The following RSRC2 variants were observed in gnomAD, a reference collection of about 807,000 sequenced individuals.
The protein encoded by RSRC2 is arginine and serine rich coiled-coil 2.
In RSRC2, 5 loss-of-function variants were observed where a neutral mutation model predicts 61.3. That is an observed-to-expected ratio of 0.08 (90% CI 0.04 to 0.17). RSRC2 has a LOEUF of 0.17. RSRC2 is among the 10% of genes least tolerant of loss of function. RSRC2 has a pLI of 1.00. For missense variants in RSRC2, 381 were observed against 518.8 expected, an observed-to-expected ratio of 0.73 and a Z score of 2.58; for synonymous variants, 202 against 166.5, an observed-to-expected ratio of 1.21 and a Z score of -1.64.
At chr12:122,518,128 C>G (rs1959068711) in intron 4 of RSRC2, among the ~76,000 whole-genome samples, 1 of 152,020 alleles carries the variant, frequency 6.6e-6, no homozygotes, top group Non-Finnish European at 1.5e-5. Context: ...CAAAACCCGT[C>G]TCTACAAAAA....
intron 3 of RSRC2, 72 bp from the exon 4 acceptor site, chr12:122,519,101 C>G (rs954485259): frequency 2.3e-5 from 29 of 1,284,796 alleles, no homozygotes; most frequent in Non-Finnish European, 3.1e-5. Flanking sequence ...TATCAGTAGA[C>G]AAAAATGTTG....
intron 5 of RSRC2, 83 bp from the exon 6 acceptor site, chr12:122,515,310 A>T: frequency 5.9e-6 from 8 of 1,348,162 alleles, no homozygotes; most frequent in Non-Finnish European, 8.3e-6. Context: ...GTTCAAACAA[A>T]AATCCCAACG....
intron 1 of RSRC2, chr12:122,523,757 A>G (rs1490181250): frequency 1.3e-5 from 2 of 152,258 alleles, no homozygotes; most frequent in African/African-American, 4.8e-5. Flanking sequence ...ACAAGTATCA[A>G]GTACAATAAA....
chr12:122,522,095 T>C, intron 2 of RSRC2, 48 bp downstream of exon 2: 2 of 1,553,514 alleles, frequency 1.3e-6, no homozygotes, highest in Non-Finnish European at 1.7e-6. Flanking sequence ...CAGGTCTACA[T>C]ATCTTATACA....
Position 122,505,485 on chromosome 12 carries a change from C to T in RSRC2, c.*42G>A, listed in dbSNP as rs763303982. 6.3e-7 allele frequency: 1 copy of T among 1,580,858 alleles called. No homozygotes were observed. The highest frequency in any genetic ancestry group is 8.7e-7 in the Non-Finnish European group (1 of 1,155,404). On this transcript the variant is annotated 3_prime_UTR_variant, in exon 10 of 10. Transcript: ENST00000331738. ...GGTGAACAAGGACGTGACATCAGAA[C>T]AAGAAGTCTATAAGTCCCAAACTTT...
chr12:122,507,001 A>C (rs764457058), intron 8 of RSRC2, 78 bp from the exon 9 acceptor site: 17 of 774,516 alleles, frequency 2.2e-5, no homozygotes, highest in Non-Finnish European at 3.7e-5. Flanking sequence ...ACAATGTCTA[A>C]ATTAAAAAAA....
rs1958052279 is a variant in RSRC2, at chr12:122,505,384, A to G, written c.*143T>C. ...CACTAACACCAGTATCACTGATCTG[A>G]TATTTACAAAAATTTGTATTTTTCA... On this transcript the variant is annotated 3_prime_UTR_variant, in exon 10 of 10. Coordinates refer to ENST00000331738, the MANE Select transcript of RSRC2 (RefSeq NM_023012.6). 1.4e-5 allele frequency: 10 copies of G among 703,478 alleles called. No individual in the cohort carries two copies. Among genetic ancestry groups the G allele is most frequent in the Non-Finnish European group, 1.8e-5 (8 of 435,184 alleles). The allele number at this position is 703,478 out of a possible 1,614,324, so 43.6% of individuals were successfully genotyped here.
chr12:122,522,026 T>C, intron 2 of RSRC2, 117 bp downstream of exon 2: 1 of 1,093,574 alleles, frequency 9.1e-7, no homozygotes, highest in Non-Finnish European at 1.3e-6. Flanking sequence ...GTGCTGGCAT[T>C]ACAGGCTTGA....
At position 122,504,567 on chromosome 12, in the gene RSRC2, G is replaced by C. The variant is rs1958010902; in HGVS notation, c.*960C>G. ...CTTGAACCTGGGGGGCAGAGGCTCTGGCAGTGAGCCGAGATTGTGCCACTG... is the reference window on the plus strand; with the variant it reads ...CTTGAACCTGGGGGGCAGAGGCTCTCGCAGTGAGCCGAGATTGTGCCACTG... On this transcript the variant is annotated 3_prime_UTR_variant, in exon 10 of 10. Transcript: ENST00000331738. The C allele has an allele frequency of 6.6e-6, 1 of 152,214 alleles. No homozygotes were observed. Among genetic ancestry groups the C allele is most frequent in the Admixed American group, 6.5e-5 (1 of 15,276 alleles). The allele number at this position is 152,214 out of a possible 1,614,324, so 9.4% of individuals were successfully genotyped here.
In RSRC2 at chr12:122,520,684, G is replaced by A. The variant is rs376357202; in HGVS notation, c.207+701C>T. On this transcript the variant is annotated intron_variant, in intron 3 of 9. Transcript: ENST00000331738. ...AAAAATTTAACAGAGCTTCCATTACGGGAAGAGGTGAAGTCCCTGCCCACT... is the reference window on the plus strand; with the variant it reads ...AAAAATTTAACAGAGCTTCCATTACAGGAAGAGGTGAAGTCCCTGCCCACT... 104 of 737,878 alleles carry A rather than the reference G, an allele frequency of 1.4e-4. No homozygotes were observed. In the East Asian group the frequency reaches 1.5e-3, roughly 11 times the overall value. The allele number at this position is 737,878 out of a possible 1,614,324, so 45.7% of individuals were successfully genotyped here. A position where few individuals can be genotyped will look rare whatever the true frequency, so the allele number is the denominator to read the frequency against.
rs75962168 is a variant in RSRC2 at position 122,506,472 on chromosome 12, G to C, written c.1125+362C>G. On this transcript the variant is annotated intron_variant, in intron 9 of 9. Transcript: ENST00000331738. Reference sequence around the variant, plus strand: ...TAGAAAATGGGGATGGAGGCTGGGCGCAGTGGCTCAGAACTGTGATCCAGG... The same window carrying C: ...TAGAAAATGGGGATGGAGGCTGGGCCCAGTGGCTCAGAACTGTGATCCAGG... The C allele has an allele frequency of 3.2e-3, 587 of 185,018 alleles. 4 individuals carry two copies. The highest frequency in any genetic ancestry group is 0.013 in the African/African-American group (548 of 42,740). The allele number at this position is 185,018 out of a possible 1,614,324, so 11.5% of individuals were successfully genotyped here. A position where few individuals can be genotyped will look rare whatever the true frequency, so the allele number is the denominator to read the frequency against.
intron 7 of RSRC2, 31 bp from the exon 8 acceptor site, chr12:122,508,478 A>G (rs749916388): frequency 2.0e-6 from 3 of 1,533,954 alleles, no homozygotes; most frequent in African/African-American, 1.4e-5. Flanking sequence ...AATGGATTTT[A>G]AAACGATTTT....
At chr12:122,526,709 T>C (rs962166830) in intron 1 of RSRC2, 139 bp downstream of exon 1, 3 of 651,062 alleles carry the variant, frequency 4.6e-6, no homozygotes, top group East Asian at 9.6e-5. Flanking sequence ...CAGGCAGCCA[T>C]GATGGCGGGC....
intron 1 of RSRC2, chr12:122,526,428 C>G (rs1455299148): frequency 4.8e-6 from 1 of 209,372 alleles, no homozygotes; most frequent in Non-Finnish European, 9.7e-6. Flanking sequence ...CTACCCTTTA[C>G]AGACACTGCC....
rs1000260379 is a variant in RSRC2, at chr12:122,504,177, C to G, written c.*1350G>C. The G allele has an allele frequency of 6.6e-6, 1 of 152,090 alleles. No homozygotes were observed. The highest frequency in any genetic ancestry group is 2.1e-4 in the South Asian group (1 of 4,826). The allele number at this position is 152,090 out of a possible 1,614,324, so 9.4% of individuals were successfully genotyped here. A position where few individuals can be genotyped will look rare whatever the true frequency, so the allele number is the denominator to read the frequency against. ...TGTCAATCTTATTCCTGTAGTCTTC[C>G]CTGATTGTAATGTGCTCTCATTCTG... On this transcript the variant is annotated 3_prime_UTR_variant, in exon 10 of 10. Coordinates refer to ENST00000331738, the MANE Select transcript of RSRC2 (RefSeq NM_023012.6).
chr12:122,522,545 G>T, intron 1 of RSRC2: 18 of 285,342 alleles, frequency 6.3e-5, no homozygotes, highest in Non-Finnish European at 7.8e-5. Context: ...ACGATGATTT[G>T]TATAACTTTT....
intron 7 of RSRC2, among the ~76,000 whole-genome samples, chr12:122,509,381 T>C (rs1958327782): frequency 6.7e-6 from 1 of 149,004 alleles, no homozygotes; most frequent in African/African-American, 2.5e-5. Flanking sequence ...ACCCGAGAGG[T>C]GGAGGTTGTT....
intron 3 of RSRC2, 36 bp from the exon 4 acceptor site, chr12:122,519,065 A>G (rs1180120760): frequency 1.3e-6 from 2 of 1,573,352 alleles, no homozygotes; most frequent in Non-Finnish European, 1.7e-6. Flanking sequence ...TCAGGAAAAT[A>G]GTGCAACAAA....
Position 122,518,880 on chromosome 12 carries a change from T to A in RSRC2, c.357A>T (p.Ser119=). 1 of 1,614,186 alleles carries A rather than the reference T, an allele frequency of 6.2e-7. No individual in the cohort carries two copies. The highest frequency in any genetic ancestry group is 1.1e-5 in the South Asian group (1 of 91,080). The change falls in exon 4 of 10, where the codon TCA becomes TCT. Residue 119 remains serine, a synonymous_variant. Transcript: ENST00000331738. ...EDRHKRKERK[S]SRGRSHSRSR... ...ATCTTGAGTGACTTCTGCCTCTTGATGACTTTCTTTCTTTGCGTTTGTGCC... is the reference window on the plus strand; with the variant it reads ...ATCTTGAGTGACTTCTGCCTCTTGAAGACTTTCTTTCTTTGCGTTTGTGCC...
Sources: allele counts gnomAD v4.1 joint callset (sites outside exome capture counted in the v4.1 genomes callset), GRCh38; gene constraint gnomAD v4.1.1; transcripts MANE v1.5; gene names NCBI Gene and HGNC (gene_info 2026-07-23, HGNC 2026-07-21).